The following B4GALNT3 variants were observed in gnomAD, a reference collection of about 807,000 sequenced individuals.
B4GALNT3 encodes beta-1,4-N-acetylgalactosaminyltransferase 3.
Under a neutral mutation model 120.2 loss-of-function variants are expected in B4GALNT3, and 86 were observed. That is an observed-to-expected ratio of 0.72 (90% CI 0.60 to 0.86). B4GALNT3 has a LOEUF of 0.86. Ranked by LOEUF, B4GALNT3 falls within the 40% of genes least tolerant of loss-of-function variation. The pLI is 0.00. For missense variants in B4GALNT3, 1,167 were observed against 1,298.9 expected, an observed-to-expected ratio of 0.90 and a Z score of 1.56; for synonymous variants, 518 against 510.4, an observed-to-expected ratio of 1.01 and a Z score of -0.20.
chr12:470,812 CACTCTA>C (rs1946128942), intron 1 of B4GALNT3, among the ~76,000 whole-genome samples: 1 of 152,136 alleles, frequency 6.6e-6, no homozygotes, highest in South Asian at 2.1e-4. Flanking sequence ...GATCTCGGCT[CACTCTA>C]ACCTACGTCC....
chr12:471,299 C>T (rs1038287976), intron 1 of B4GALNT3, among the ~76,000 whole-genome samples: 14 of 150,980 alleles, frequency 9.3e-5, no homozygotes, highest in African/African-American at 2.9e-4. Context: ...GCTGGAGAAT[C>T]GCTTGAACCC....
At chr12:554,350 T>G (rs569363859) in intron 14 of B4GALNT3, among the ~76,000 whole-genome samples, 56 of 152,340 alleles carry the variant, frequency 3.7e-4, no homozygotes, top group African/African-American at 1.3e-3. Flanking sequence ...ACCCTGCATG[T>G]GGGCTGGAAG....
Position 548,387 on chromosome 12 carries a change from GAGGA to G in B4GALNT3, c.853+97_853+100del. ...TTGGCAGGGGAGGAGGGGAGGAGGG[GAGGA>G]AGGAAGCTCGAGATGCTTGGGACAC... On this transcript the variant is annotated intron_variant, in intron 9 of 19. Coordinates refer to ENST00000266383, the MANE Select transcript of B4GALNT3 (RefSeq NM_173593.4). The surrounding 1 kb of genome is among the most constrained non-coding windows in gnomAD (Gnocchi z 4.9). 7.9e-7 allele frequency: 1 copy of G among 1,271,144 alleles called. No individual in the cohort carries two copies. Among genetic ancestry groups the G allele is most frequent in the Non-Finnish European group, 1.1e-6 (1 of 878,624 alleles). The allele number at this position is 1,271,144 out of a possible 1,614,324, so 78.7% of individuals were successfully genotyped here. A position where few individuals can be genotyped will look rare whatever the true frequency, so the allele number is the denominator to read the frequency against.
chr12:556,609 G>A lies in B4GALNT3; in HGVS notation c.2123G>A (p.Arg708His), dbSNP rs750443012. The change falls in exon 15 of 20, where the codon CGC becomes CAC. Residue 708 changes from arginine to histidine, a missense_variant. By Grantham distance (29) the Arg-to-His change is conservative. Coordinates refer to ENST00000266383, the MANE Select transcript of B4GALNT3 (RefSeq NM_173593.4). ...EKRQDQLRGGRYLLELELLEQ... is the reference protein window; with the variant it reads ...EKRQDQLRGGHYLLELELLEQ... The stretch of plus-strand genomic sequence containing the variant: ...CGTCAGGACCAGCTACGTGGGGGTC[G>A]CTACCTCCTGGAGCTTGAACTGTTG... 1.1e-5 allele frequency: 18 copies of A among 1,613,890 alleles called. No individual in the cohort carries two copies. Among genetic ancestry groups the A allele is most frequent in the South Asian group, 4.4e-5 (4 of 91,086 alleles).
intron 1 of B4GALNT3, among the ~76,000 whole-genome samples, chr12:485,645 A>G (rs1946283744): frequency 6.6e-6 from 1 of 152,240 alleles, no homozygotes; most frequent in Non-Finnish European, 1.5e-5. Flanking sequence ...CTTAAAAAAT[A>G]ACTGAGGCGA....
In B4GALNT3 at chr12:550,651, C is replaced by G. The variant is rs1466072901; in HGVS notation, c.998-271C>G. Among the ~76,000 whole-genome samples, 1 of 152,138 alleles carries G rather than the reference C, an allele frequency of 6.6e-6. No homozygotes were observed. The highest frequency in any genetic ancestry group is 6.5e-5 in the Admixed American group (1 of 15,282). On this transcript the variant is annotated intron_variant, in intron 10 of 19. Transcript: ENST00000266383. This position sits in a 1 kb window ranked among gnomAD's most constrained non-coding sequence, Gnocchi z 4.1. The stretch of plus-strand genomic sequence containing the variant: ...TCTGGCCTCTTAGAAGTTTCTAGAC[C>G]TTATTGAGGCTATCCCTGCACAGTG...
intron 16 of B4GALNT3, 25 bp from the exon 17 acceptor site, chr12:557,991 G>T (rs371156302): frequency 1.2e-6 from 2 of 1,612,038 alleles, no homozygotes; most frequent in East Asian, 2.2e-5. Flanking sequence ...GTCCTGATAC[G>T]CAGCCCTCTC....
chr12:544,822 G>C (rs1946971775), intron 4 of B4GALNT3, 60 bp from the exon 5 acceptor site: 1 of 1,548,988 alleles, frequency 6.5e-7, no homozygotes, highest in African/African-American at 1.4e-5. Context: ...CGCCAATCCT[G>C]GCGGGAAGTT....
chr12:473,111 G>A (rs935067561), intron 1 of B4GALNT3, among the ~76,000 whole-genome samples: 6 of 152,018 alleles, frequency 3.9e-5, no homozygotes, highest in Non-Finnish European at 7.4e-5. Flanking sequence ...TAAGACCACA[G>A]GCATACACCA....
At chr12:490,945 AAC>A (rs1419359387) in intron 1 of B4GALNT3, among the ~76,000 whole-genome samples, 2 of 152,198 alleles carry the variant, frequency 1.3e-5, no homozygotes, top group Admixed American at 6.5e-5. Flanking sequence ...ATTTCTACTA[AAC>A]ATGTAAGGAG....
At chr12:472,428 A>G (rs7310180) in intron 1 of B4GALNT3, among the ~76,000 whole-genome samples, 1 of 152,084 alleles carries the variant, frequency 6.6e-6, no homozygotes, top group Non-Finnish European at 1.5e-5. Flanking sequence ...CTGCAGGTGC[A>G]TGCCACCATG....
At chr12:461,746 G>C (rs1173062369) in intron 1 of B4GALNT3, among the ~76,000 whole-genome samples, 1 of 152,180 alleles carries the variant, frequency 6.6e-6, no homozygotes, top group Non-Finnish European at 1.5e-5. Context: ...AGAATTACTA[G>C]GGACAGTCGC....
intron 14 of B4GALNT3, chr12:555,292 C>A: frequency 2.2e-6 from 1 of 454,408 alleles, no homozygotes; most frequent in Non-Finnish European, 4.4e-6. Flanking sequence ...CTTTCTAGCT[C>A]TGTGGATTTT....
chr12:477,979 G>A (rs1946199663), intron 1 of B4GALNT3, among the ~76,000 whole-genome samples: 1 of 152,150 alleles, frequency 6.6e-6, no homozygotes, highest in African/African-American at 2.4e-5. Flanking sequence ...GGGCACAATG[G>A]TTCAGAATGC....
At chr12:545,783 G>GA (rs1438728773) in intron 6 of B4GALNT3, among the ~76,000 whole-genome samples, 4 of 116,936 alleles carry the variant, frequency 3.4e-5, no homozygotes, top group Admixed American at 1.7e-4. Context: ...GGAGTGGGGA[G>GA]GTAAGAGGAA....
chr12:528,244 C>T (rs1946775049), intron 1 of B4GALNT3, among the ~76,000 whole-genome samples: 1 of 151,986 alleles, frequency 6.6e-6, no homozygotes, highest in African/African-American at 2.4e-5. Context: ...GAGACGGGGT[C>T]TCATCATATG....
chr12:557,525 C>G, intron 15 of B4GALNT3, 83 bp from the exon 16 acceptor site: 2 of 1,463,522 alleles, frequency 1.4e-6, no homozygotes, highest in Non-Finnish European at 1.9e-6. Context: ...TCCTGACTCA[C>G]CTGGGAGCTG....
rs143653275 is a variant in B4GALNT3 at position 540,083 on chromosome 12, G to A, written c.351+3788G>A. On this transcript the variant is annotated intron_variant, in intron 3 of 19. Transcript: ENST00000266383. ...ACTAGCCAGGTACCCTTGGTCTTGC[G>A]AGTTTGACTCTGGTTGAGTAGCAGA... Among the ~76,000 whole-genome samples, 111 of 152,306 alleles carry A rather than the reference G, an allele frequency of 7.3e-4. 1 individual carries two copies. In the East Asian group the frequency reaches 7.5e-3, roughly 10 times the overall value.
intron 1 of B4GALNT3, among the ~76,000 whole-genome samples, chr12:489,431 T>A (rs1250838093): frequency 6.6e-6 from 1 of 152,044 alleles, no homozygotes; most frequent in Non-Finnish European, 1.5e-5. Flanking sequence ...ATGATAGATA[T>A]TATTAACCCA....
Sources: allele counts gnomAD v4.1 joint callset (sites outside exome capture counted in the v4.1 genomes callset), GRCh38; gene constraint gnomAD v4.1.1; non-coding constraint Gnocchi (gnomAD v3.1); transcripts MANE v1.5; gene names NCBI Gene and HGNC (gene_info 2026-07-23, HGNC 2026-07-21).